The following POLR1D variants were observed in gnomAD, a reference collection of about 807,000 sequenced individuals.
The protein encoded by POLR1D is DNA-directed RNA polymerases I and III subunit RPAC2.
POLR1D carries 8 observed loss-of-function variants against 10.8 expected under a neutral mutation model. The ratio of observed to expected loss-of-function variants is 0.74; its 90% CI spans 0.43 to 1.33. The LOEUF (loss-of-function observed/expected upper bound fraction) is 1.33. POLR1D is among the 40% of genes most tolerant of loss of function. The pLI, the probability that POLR1D is intolerant of heterozygous loss-of-function variation, is 0.01. For synonymous variants in POLR1D, 54 were observed against 57.2 expected (o/e 0.94, Z 0.25); for missense variants, 152 against 161.7 (o/e 0.94, Z 0.32).
chr13:27,650,081 A>G (rs1956252582), intron 2 of POLR1D: 1 of 398,324 alleles, frequency 2.5e-6, no homozygotes, highest in Non-Finnish European at 4.4e-6. Context: ...ATCAGCCAAA[A>G]TAAGACACAA....
Position 27,623,045 on chromosome 13 carries a change from A to G in POLR1D, c.197A>G (p.Glu66Gly). Reference sequence around the variant, plus strand: ...ATGATCATGAAGAACCCGGAAGTGGAATTTTGTGGTTACACTACGACCCAT... The same window carrying G: ...ATGATCATGAAGAACCCGGAAGTGGGATTTTGTGGTTACACTACGACCCAT... ...RYMIMKNPEV[E>G]FCGYTTTHPS... The change falls in exon 2 of 2, where the codon GAA (glutamate) becomes GGA (glycine). Residue 66 changes from glutamate (E) to glycine (G), a missense_variant. Physicochemically the swap from Glu to Gly is moderately conservative, Grantham distance 98. Coordinates refer to ENST00000302979, the MANE Select transcript of POLR1D (RefSeq NM_015972.4). The G allele has an allele frequency of 6.2e-7, 1 of 1,614,090 alleles. No individual in the cohort carries two copies. The highest frequency in any genetic ancestry group is 8.5e-7 in the Non-Finnish European group (1 of 1,179,972).
At chr13:27,639,024 T>C (rs1421621757) in intron 1 of POLR1D, among the ~76,000 whole-genome samples, 1 of 152,210 alleles carries the variant, frequency 6.6e-6, no homozygotes, top group East Asian at 1.9e-4. Flanking sequence ...CTGAATTTTA[T>C]TTTTTATTTC....
At chr13:27,656,940 T>C (rs1371134186) in intron 2 of POLR1D, among the ~76,000 whole-genome samples, 2 of 152,210 alleles carry the variant, frequency 1.3e-5, no homozygotes, top group Admixed American at 6.5e-5. Context: ...ACTATATGAA[T>C]CCTTGTGAGA....
intron 2 of POLR1D, among the ~76,000 whole-genome samples, chr13:27,658,008 T>C (rs895045793): frequency 1.3e-5 from 2 of 152,242 alleles, no homozygotes; most frequent in Non-Finnish European, 1.5e-5. Context: ...CTGCTCGTTC[T>C]GGAAGATCAC....
chr13:27,623,569 T>A (rs996159795), downstream of POLR1D: 2 of 294,614 alleles, frequency 6.8e-6, no homozygotes, highest in African/African-American at 4.3e-5. Flanking sequence ...ACAAGAACTG[T>A]GATCATGGGA....
chr13:27,635,903 T>G (rs1182635322), intron 1 of POLR1D, among the ~76,000 whole-genome samples: 3 of 152,088 alleles, frequency 2.0e-5, no homozygotes, highest in Non-Finnish European at 4.4e-5. Flanking sequence ...GGCTGCTTTC[T>G]TATTCTCTTA....
intron 1 of POLR1D, 143 bp downstream of exon 1, chr13:27,622,152 GA>G (rs1958469226): frequency 1.4e-6 from 1 of 729,934 alleles, no homozygotes; most frequent in Middle Eastern, 3.2e-4. Flanking sequence ...GAGGAGACAT[GA>G]ATGTGTTTCA....
At chr13:27,621,812 CCCGCCCCGCGGCTGGGCCCTG>C, upstream of POLR1D, 1 of 640,380 alleles carries the variant, frequency 1.6e-6, no homozygotes, top group African/African-American at 1.9e-5. Context: ...AGCCTCATGC[CCCGCCCCGCGGCTGGGCCCTG>C]CCGCGCCGCT....
intron 1 of POLR1D, among the ~76,000 whole-genome samples, chr13:27,643,080 T>C (rs1244391996): frequency 6.6e-6 from 1 of 152,230 alleles, no homozygotes; most frequent in Non-Finnish European, 1.5e-5. Flanking sequence ...CCTCACATTC[T>C]CCTAGATAAT....
chr13:27,630,542 G>A (rs1464622396), intron 1 of POLR1D, among the ~76,000 whole-genome samples: 1 of 151,944 alleles, frequency 6.6e-6, no homozygotes, highest in Non-Finnish European at 1.5e-5. Flanking sequence ...CGAAGGGTAG[G>A]GACTCTGAAG....
chr13:27,653,861 C>T (rs1430932168), intron 2 of POLR1D, among the ~76,000 whole-genome samples: 2 of 152,214 alleles, frequency 1.3e-5, no homozygotes, highest in African/African-American at 2.4e-5. Flanking sequence ...CTTCTGAATT[C>T]GATCTATTGT....
At chr13:27,636,737 C>G (rs1003727487) in intron 1 of POLR1D, among the ~76,000 whole-genome samples, 11 of 152,116 alleles carry the variant, frequency 7.2e-5, no homozygotes, top group Non-Finnish European at 2.9e-5. Context: ...TCAGCATGAT[C>G]TATCTCTCAG....
At chr13:27,623,601 T>C (rs760003381), downstream of POLR1D, 7 of 233,362 alleles carry the variant, frequency 3.0e-5, no homozygotes, top group Non-Finnish European at 5.2e-5. Context: ...TATATATCCA[T>C]GTCTGTAGTT....
chr13:27,649,973 G>C, intron 2 of POLR1D: 1 of 397,988 alleles, frequency 2.5e-6, no homozygotes, highest in South Asian at 1.3e-4. Flanking sequence ...AAACTACCAC[G>C]CTTAGCTTCA....
At chr13:27,626,145 A>C (rs1354919609), downstream of POLR1D, among the ~76,000 whole-genome samples, 1 of 152,220 alleles carries the variant, frequency 6.6e-6, no homozygotes, top group African/African-American at 2.4e-5. Context: ...AAAAGGATTA[A>C]AAACTTTTTT....
chr13:27,624,729 A>T (rs891546745), downstream of POLR1D, among the ~76,000 whole-genome samples: 16 of 152,076 alleles, frequency 1.1e-4, no homozygotes, highest in Non-Finnish European at 1.9e-4. Context: ...TCTACAAAAA[A>T]ATAAAAAAGG....
At chr13:27,622,048 C>G (rs1348092177) in intron 1 of POLR1D, 39 bp downstream of exon 1, 2 of 1,556,772 alleles carry the variant, frequency 1.3e-6, no homozygotes, top group African/African-American at 1.3e-5. Context: ...CGGGCCGCGC[C>G]CAAGGGGAGC....
chr13:27,622,091 A>T, intron 1 of POLR1D, 82 bp downstream of exon 1: 1 of 1,208,726 alleles, frequency 8.3e-7, no homozygotes. Context: ...CTGGCCTGGC[A>T]GCCGGGGCCT....
chr13:27,630,582 A>G (rs569358922), intron 1 of POLR1D, among the ~76,000 whole-genome samples: 1 of 152,276 alleles, frequency 6.6e-6, no homozygotes, highest in African/African-American at 2.4e-5. Flanking sequence ...CACACTTCCT[A>G]TCTTATGAAT....
Sources: allele counts gnomAD v4.1 joint callset (sites outside exome capture counted in the v4.1 genomes callset), GRCh38; gene constraint gnomAD v4.1.1; transcripts MANE v1.5; gene names NCBI Gene and HGNC (gene_info 2026-07-23, HGNC 2026-07-21).